The following PDE10A variants were observed in gnomAD, a reference collection of about 807,000 sequenced individuals.
The protein encoded by PDE10A is cAMP and cAMP-inhibited cGMP 3',5'-cyclic phosphodiesterase 10A.
A neutral mutation model predicts 97.7 loss-of-function variants in PDE10A; 39 were observed. The observed-to-expected ratio is 0.40, with a 90% CI of 0.31 to 0.52. PDE10A has a LOEUF of 0.52. Among genes scored for constraint, PDE10A ranks in the 20% least tolerant of loss-of-function variants. PDE10A has a pLI of 0.56. For synonymous variants in PDE10A, 371 were observed against 376.8 expected (o/e 0.98, Z 0.18); for missense variants, 731 against 1,047.8 (o/e 0.70, Z 4.17).
At chr6:165,773,675 T>A (rs903799576) in intron 1 of PDE10A, among the ~76,000 whole-genome samples, 1 of 152,196 alleles carries the variant, frequency 6.6e-6, no homozygotes, top group Non-Finnish European at 1.5e-5. Context: ...TTGGGCTAAT[T>A]AGTTTATTGT....
chr6:165,474,106 G>A (rs941448286), intron 3 of PDE10A, among the ~76,000 whole-genome samples: 1 of 152,054 alleles, frequency 6.6e-6, no homozygotes, highest in African/African-American at 2.4e-5. Context: ...CCTTTTTGGG[G>A]GAATGTCTTT....
chr6:165,762,321 G>A (rs764783977), intron 1 of PDE10A, among the ~76,000 whole-genome samples: 26 of 152,084 alleles, frequency 1.7e-4, no homozygotes, highest in Non-Finnish European at 2.6e-4. Context: ...CTTCTTCCCT[G>A]GCAATACGTG....
chr6:165,469,756 C>G (rs923749586), intron 3 of PDE10A, among the ~76,000 whole-genome samples: 2 of 152,168 alleles, frequency 1.3e-5, no homozygotes, highest in African/African-American at 2.4e-5. Flanking sequence ...CTTACTGGAA[C>G]ACTGTATCTG....
chr6:165,513,963 C>T (rs1781652844), intron 2 of PDE10A, among the ~76,000 whole-genome samples: 1 of 152,092 alleles, frequency 6.6e-6, no homozygotes, highest in Admixed American at 6.6e-5. Context: ...AGTTTTAGTT[C>T]TTCCTATCAA....
At chr6:165,813,390 G>C (rs10455963) in intron 1 of PDE10A, among the ~76,000 whole-genome samples, 12,797 of 148,546 alleles carry the variant, frequency 0.086, 1,226 homozygotes, top group East Asian at 0.46. Flanking sequence ...AACCGCATAT[G>C]TTATGGAGAC....
intron 1 of PDE10A, among the ~76,000 whole-genome samples, chr6:165,960,338 G>A (rs1175616137): frequency 1.3e-5 from 2 of 152,186 alleles, no homozygotes; most frequent in Non-Finnish European, 2.9e-5. Flanking sequence ...CGGTAAAGAC[G>A]TGGAAAAAGC....
At chr6:165,897,970 C>G (rs917512863) in intron 1 of PDE10A, among the ~76,000 whole-genome samples, 1 of 152,018 alleles carries the variant, frequency 6.6e-6, no homozygotes, top group Non-Finnish European at 1.5e-5. Context: ...ATCAGGTGCC[C>G]CGTGCGGTCC....
chr6:165,986,453 T>C (rs1158682501), intron 1 of PDE10A: 1 of 152,434 alleles, frequency 6.6e-6, no homozygotes, highest in Non-Finnish European at 1.5e-5. Context: ...TACAATCCGG[T>C]CCATCAATGT....
chr6:165,568,063 A>G (rs928666298), intron 1 of PDE10A, among the ~76,000 whole-genome samples: 2 of 140,414 alleles, frequency 1.4e-5, no homozygotes, highest in African/African-American at 5.3e-5. Flanking sequence ...CAGTGGCACA[A>G]TCTTGGCTCA....
At chr6:165,734,755 A>G (rs1381238951) in intron 1 of PDE10A, among the ~76,000 whole-genome samples, 1 of 152,210 alleles carries the variant, frequency 6.6e-6, no homozygotes, top group Non-Finnish European at 1.5e-5. Context: ...TCATATTCTT[A>G]ATGGGAATAC....
At position 165,362,983 on chromosome 6, in the gene PDE10A, G is replaced by A. The variant is rs541261626; in HGVS notation, c.2783+16211C>T. 9.2e-5 allele frequency among the ~76,000 whole-genome samples: 14 copies of A among 152,190 alleles called. No individual in the cohort carries two copies. The South Asian group carries it at 2.9e-3, about 31-fold the overall frequency. The stretch of plus-strand genomic sequence containing the variant: ...AAACTGCTTGATAATCTCGATAGAT[G>A]CAGATAAAGCATATGACAAAATCCA... On this transcript the variant is annotated intron_variant, in intron 18 of 21. Transcript: ENST00000539869.
intron 3 of PDE10A, among the ~76,000 whole-genome samples, chr6:165,472,694 C>CATT (rs1779084638): frequency 6.6e-6 from 1 of 152,098 alleles, no homozygotes; most frequent in African/African-American, 2.4e-5. Flanking sequence ...GTGTCATTTA[C>CATT]ATTATACCAG....
chr6:165,839,130 C>T (rs1780144848), intron 1 of PDE10A, among the ~76,000 whole-genome samples: 1 of 152,236 alleles, frequency 6.6e-6, no homozygotes, highest in South Asian at 2.1e-4. Flanking sequence ...CAAACTCTAT[C>T]ACTAACTTAC....
At chr6:165,923,799 C>A (rs569904918) in intron 1 of PDE10A, among the ~76,000 whole-genome samples, 1 of 151,976 alleles carries the variant, frequency 6.6e-6, no homozygotes, top group Admixed American at 6.5e-5. Context: ...GAAAATTGCA[C>A]AAATTTAACT....
intron 1 of PDE10A, among the ~76,000 whole-genome samples, chr6:165,712,290 C>G (rs186751276): frequency 1.3e-5 from 2 of 152,110 alleles, no homozygotes; most frequent in African/African-American, 2.4e-5. Context: ...AGTGATTAGC[C>G]GAATGCCCGA....
chr6:165,639,981 G>A (rs1362310358), intron 1 of PDE10A, among the ~76,000 whole-genome samples: 1 of 151,248 alleles, frequency 6.6e-6, no homozygotes, highest in Non-Finnish European at 1.5e-5. Context: ...CAGGCAGGAT[G>A]ATCACCTGAG....
At chr6:165,600,084 C>G (rs926440507) in intron 1 of PDE10A, among the ~76,000 whole-genome samples, 5 of 152,172 alleles carry the variant, frequency 3.3e-5, no homozygotes, top group Admixed American at 2.6e-4. Flanking sequence ...GCACCTCACA[C>G]ACCCCTCCCC....
rs573002395 is a variant in PDE10A, at chr6:165,331,324, G to A, written c.*1701C>T. Reference sequence around the variant, plus strand: ...ATGAAAATAGCAAATGGAGCTCCACGGAGGGAAGATGGCAACTTTCAGAAG... The same window carrying A: ...ATGAAAATAGCAAATGGAGCTCCACAGAGGGAAGATGGCAACTTTCAGAAG... On this transcript the variant is annotated 3_prime_UTR_variant, in exon 22 of 22. Coordinates refer to ENST00000539869, the MANE Select transcript of PDE10A (RefSeq NM_001385079.1). 57 of 152,172 alleles carry A rather than the reference G, an allele frequency of 3.7e-4. No homozygotes were observed. The highest frequency in any genetic ancestry group is 1.2e-3 in the African/African-American group (50 of 41,518). 9.4% of individuals were successfully genotyped at this position (152,172 alleles called of 1,614,324 possible). A position where few individuals can be genotyped will look rare whatever the true frequency, so the allele number is the denominator to read the frequency against.
intron 1 of PDE10A, among the ~76,000 whole-genome samples, chr6:165,835,346 C>T (rs1780037449): frequency 6.6e-6 from 1 of 152,228 alleles, no homozygotes; most frequent in South Asian, 2.1e-4. Flanking sequence ...TGTGCCATCC[C>T]AGGCTGCCCT....
Sources: allele counts gnomAD v4.1 joint callset (sites outside exome capture counted in the v4.1 genomes callset), GRCh38; gene constraint gnomAD v4.1.1; transcripts MANE v1.5; gene names NCBI Gene and HGNC (gene_info 2026-07-23, HGNC 2026-07-21).